The following PDGFRB variants were observed in gnomAD, a reference collection of about 807,000 sequenced individuals.
The protein encoded by PDGFRB is platelet derived growth factor receptor beta, also known as platelet-derived growth factor receptor beta.
PDGFRB carries 42 observed loss-of-function variants against 120.2 expected under a neutral mutation model. That is an observed-to-expected ratio of 0.35 (90% CI 0.27 to 0.45). The LOEUF (loss-of-function observed/expected upper bound fraction) is 0.45. PDGFRB is among the 20% of genes least tolerant of loss of function. The pLI, the probability that PDGFRB is intolerant of heterozygous loss-of-function variation, is 1.00. For missense variants in PDGFRB, 1,149 were observed against 1,476.3 expected, an observed-to-expected ratio of 0.78 and a Z score of 3.63; for synonymous variants, 586 against 606.8, an observed-to-expected ratio of 0.97 and a Z score of 0.50.
chr5:150,124,806 A>G lies in PDGFRB; in HGVS notation c.1833T>C (p.Phe611=), dbSNP rs770746996. ...GAGCCGTGGCCTCCACCACCTGCCCAAAGGCCCCAGAGCCGAGGGTGCGTC... is the reference window on the plus strand; with the variant it reads ...GAGCCGTGGCCTCCACCACCTGCCCGAAGGCCCCAGAGCCGAGGGTGCGTC... The part of the protein sequence containing the change: ...VLGRTLGSGA[F]GQVVEATAHG... Residue 611 remains phenylalanine (F), a synonymous_variant, in exon 13 of 23, where the codon TTT becomes TTC. Transcript: ENST00000261799. 3 of 1,606,992 alleles carry G rather than the reference A, an allele frequency of 1.9e-6. No individual in the cohort carries two copies. The highest frequency in any genetic ancestry group is 2.6e-6 in the Non-Finnish European group (3 of 1,175,544).
Position 150,134,842 on chromosome 5 carries a change from G to C in PDGFRB, c.539C>G (p.Ser180Cys), listed in dbSNP as rs17853027. 1 of 1,614,226 alleles carries C rather than the reference G, an allele frequency of 6.2e-7. No individual in the cohort carries two copies. Among genetic ancestry groups the C allele is most frequent in the Non-Finnish European group, 8.5e-7 (1 of 1,180,046 alleles). Residue 180 changes from serine (S) to cysteine (C), a missense_variant, in exon 4 of 23, where the codon TCT becomes TGT. Transcript: ENST00000261799. Reference protein sequence around the residue: ...PVPYDHQRGFSGIFEDRSYIC... With the variant: ...PVPYDHQRGFCGIFEDRSYIC... ...GTAGCTTCTGTCCTCAAAGATACCA[G>C]AAAAGCCACGTTGGTGATCATAGGG...
chr5:150,141,238 GT>G (rs1344426378), intron 1 of PDGFRB, among the ~76,000 whole-genome samples: 15 of 152,236 alleles, frequency 9.9e-5, no homozygotes, highest in African/African-American at 3.6e-4. Flanking sequence ...GTGTGCAACA[GT>G]TCACATGTGT....
At chr5:150,130,801 A>C in intron 8 of PDGFRB, 139 bp from the exon 9 acceptor site, 2 of 732,690 alleles carry the variant, frequency 2.7e-6, no homozygotes, top group Non-Finnish European at 4.6e-6. Context: ...AATACCAGGA[A>C]TCAGTGTGAA....
Position 150,131,999 on chromosome 5 carries a change from G to T in PDGFRB, c.1223C>A (p.Ser408Tyr). 1 of 1,591,560 alleles carries T rather than the reference G, an allele frequency of 6.3e-7. No homozygotes were observed. Among genetic ancestry groups the T allele is most frequent in the South Asian group, 1.1e-5 (1 of 90,522 alleles). The change falls in exon 8 of 23, where the codon TCC (serine) becomes TAC (tyrosine). Residue 408 changes from serine (S) to tyrosine (Y), a missense_variant. Ser to Tyr is a moderately radical substitution (Grantham distance 144). Around this residue, in one of 3 missense-constraint regions of PDGFRB, gnomAD observed 879 missense variants for 1,108.6 expected, o/e 0.79. Coordinates refer to ENST00000261799, the MANE Select transcript of PDGFRB (RefSeq NM_002609.4). ...ATCACCATTGATCTGTAGCTGGAAG[G>T]AGAGCTGGACCTCAGCATCCTCATG... ...AFHEDAEVQLSFQLQINVPVR... is the reference protein window; with the variant it reads ...AFHEDAEVQLYFQLQINVPVR...
chr5:150,117,422 T>C (rs1187079832), intron 22 of PDGFRB, among the ~76,000 whole-genome samples, 196 bp downstream of exon 22: 1 of 152,180 alleles, frequency 6.6e-6, no homozygotes, highest in East Asian at 1.9e-4. Flanking sequence ...AGCCTGCCCT[T>C]TCCACCTCAG....
chr5:150,148,831 C>A (rs1433305186), intron 1 of PDGFRB, among the ~76,000 whole-genome samples: 1 of 152,178 alleles, frequency 6.6e-6, no homozygotes, highest in African/African-American at 2.4e-5. Context: ...TTGAGCTAGG[C>A]CTCCAGGGTT....
intron 1 of PDGFRB, among the ~76,000 whole-genome samples, chr5:150,139,698 A>AC (rs370356342): frequency 0.36 from 54,796 of 151,730 alleles, 10,340 homozygotes; most frequent in Middle Eastern, 0.5. Flanking sequence ...GAGTTAGACC[A>AC]AGGCTGGGCA....
chr5:150,144,313 C>T (rs1760860650), intron 1 of PDGFRB, among the ~76,000 whole-genome samples: 2 of 152,142 alleles, frequency 1.3e-5, no homozygotes, highest in South Asian at 4.1e-4. Flanking sequence ...GCTTCTCTGC[C>T]CAGCCTTTCA....
intron 1 of PDGFRB, among the ~76,000 whole-genome samples, chr5:150,149,576 G>C (rs1313660443): frequency 1.3e-5 from 2 of 152,046 alleles, no homozygotes; most frequent in Non-Finnish European, 2.9e-5. Context: ...TATTTATCTA[G>C]TGATTATTTC....
At chr5:150,148,605 TTCCTGGG>T (rs1760987937) in intron 1 of PDGFRB, among the ~76,000 whole-genome samples, 1 of 152,256 alleles carries the variant, frequency 6.6e-6, no homozygotes, top group Non-Finnish European at 1.5e-5. Context: ...AAGCCACTTA[TTCCTGGG>T]TCCAAGCCCC....
At chr5:150,123,368 G>C (rs1002545947) in intron 14 of PDGFRB, among the ~76,000 whole-genome samples, 167 bp from the exon 15 acceptor site, 7 of 152,186 alleles carry the variant, frequency 4.6e-5, no homozygotes, top group Non-Finnish European at 1.0e-4. Context: ...GTGGTGGAGA[G>C]CAAGGTACTT....
intron 1 of PDGFRB, among the ~76,000 whole-genome samples, chr5:150,152,476 G>A (rs995558486): frequency 3.3e-5 from 5 of 152,272 alleles, no homozygotes; most frequent in Non-Finnish European, 1.5e-5. Context: ...AAGACAGGGG[G>A]CACCAAAAAG....
chr5:150,133,783 C>T lies in PDGFRB; in HGVS notation c.760-23G>A, dbSNP rs200605564. On this transcript the variant is annotated intron_variant, in intron 5 of 22. Coordinates refer to ENST00000261799, the MANE Select transcript of PDGFRB (RefSeq NM_002609.4). ...ACTCTGCAGCAACAGGTTGGGCAGG[C>T]CCCCCAAATCAGGAGGGGCCGGGGA... 32 of 1,612,528 alleles carry T rather than the reference C, an allele frequency of 2.0e-5. No homozygotes were observed. In the African/African-American group the frequency reaches 3.5e-4, roughly 17 times the overall value.
Position 150,123,096 on chromosome 5 carries a change from G to A in PDGFRB, c.2129C>T (p.Pro710Leu), listed in dbSNP as rs554645092. 29 of 1,613,948 alleles carry A rather than the reference G, an allele frequency of 1.8e-5. No homozygotes were observed. In the Admixed American group the frequency reaches 2.7e-4, roughly 15 times the overall value. The change falls in exon 15 of 23, where the codon CCG (proline) becomes CTG (leucine). Residue 710 changes from proline (P) to leucine (L), a missense_variant. By Grantham distance (98) the Pro-to-Leu change is moderately conservative. Transcript: ENST00000261799. ...FLQHHSDKRR[P>L]PSAELYSNAL... The stretch of plus-strand genomic sequence containing the variant: ...ATTGCTGTAGAGCTCCGCGCTGGGC[G>A]GGCGGCGCTTGTCGGAGTGGTGCTG...
intron 22 of PDGFRB, 88 bp downstream of exon 22, chr5:150,117,530 G>GCGCGCGCA (rs1561983236): frequency 3.6e-6 from 2 of 559,726 alleles, no homozygotes; most frequent in African/African-American, 6.3e-5. Context: ...ACCTGGCAGC[G>GCGCGCGCA]CGCGCGCGCG....
intron 1 of PDGFRB, among the ~76,000 whole-genome samples, chr5:150,139,151 G>T (rs1388335725): frequency 6.6e-6 from 1 of 152,162 alleles, no homozygotes; most frequent in East Asian, 1.9e-4. Flanking sequence ...CTTTTTGAAT[G>T]GGCAGCAGAG....
At chr5:150,146,211 T>C (rs1057342114) in intron 1 of PDGFRB, among the ~76,000 whole-genome samples, 1 of 152,238 alleles carries the variant, frequency 6.6e-6, no homozygotes, top group Non-Finnish European at 1.5e-5. Flanking sequence ...TTTATCTCAC[T>C]GTATTCTCTG....
chr5:150,121,316 T>C lies in PDGFRB; in HGVS notation c.2351A>G (p.Glu784Gly). ...GATCAAAGTTGCTCGGCAGGTCCTC[T>C]CAGGGGCTAGAGGAGAAGCAGAGGG... Reference protein sequence around the residue: ...PYDNYVPSAPERTCRATLINE... With the variant: ...PYDNYVPSAPGRTCRATLINE... The change falls in exon 17 of 23, where the codon GAG becomes GGG. Residue 784 changes from glutamate (E) to glycine (G), a missense_variant. Physicochemically the swap from Glu to Gly is moderately conservative, Grantham distance 98. Around this residue, in one of 3 missense-constraint regions of PDGFRB, gnomAD observed 879 missense variants for 1,108.6 expected, o/e 0.79. Coordinates refer to ENST00000261799, the MANE Select transcript of PDGFRB (RefSeq NM_002609.4). The surrounding 1 kb of genome is among the most constrained non-coding windows in gnomAD (Gnocchi z 4.1). The C allele has an allele frequency of 1.3e-6, 2 of 1,489,174 alleles. No individual in the cohort carries two copies. The highest frequency in any genetic ancestry group is 1.1e-5 in the South Asian group (1 of 88,668). 92.2% of individuals were successfully genotyped at this position (1,489,174 alleles called of 1,614,324 possible).
intron 1 of PDGFRB, among the ~76,000 whole-genome samples, chr5:150,147,376 G>A (rs1760954146): frequency 1.3e-5 from 2 of 152,220 alleles, no homozygotes; most frequent in Admixed American, 6.5e-5. Context: ...GGAGGGGGGT[G>A]CGGCAGGCGC....
Sources: allele counts gnomAD v4.1 joint callset (sites outside exome capture counted in the v4.1 genomes callset), GRCh38; gene constraint gnomAD v4.1.1; regional missense constraint gnomAD v4.1.1; non-coding constraint Gnocchi (gnomAD v3.1); transcripts MANE v1.5; gene names NCBI Gene and HGNC (gene_info 2026-07-23, HGNC 2026-07-21).